CSRNP3: variants seen among roughly 807,000 people sequenced by gnomAD.
The protein encoded by CSRNP3 is cysteine and serine rich nuclear protein 3.
CSRNP3 carries 12 observed loss-of-function variants against 48.0 expected under a neutral mutation model. The observed-to-expected ratio is 0.25, with a 90% CI of 0.16 to 0.41. The LOEUF (loss-of-function observed/expected upper bound fraction) is 0.41, where lower values mean the gene tolerates loss of function less well. CSRNP3 is among the 10% of genes least tolerant of loss of function. The probability of loss-of-function intolerance (pLI) is 1.00; values close to 1 mark genes in which losing one functional copy is unlikely to be tolerated. For synonymous variants in CSRNP3, 263 were observed against 269.7 expected, an observed-to-expected ratio of 0.98 and a Z score of 0.24; for missense variants, 580 against 724.4, an observed-to-expected ratio of 0.80 and a Z score of 2.29.
At chr2:165,577,008 A>G (rs1051784635) in intron 3 of CSRNP3, among the ~76,000 whole-genome samples, 1 of 151,968 alleles carries the variant, frequency 6.6e-6, no homozygotes, top group African/African-American at 2.4e-5. Context: ...CAGGGCAAAC[A>G]TGTTCTACTC....
intron 3 of CSRNP3, among the ~76,000 whole-genome samples, chr2:165,567,802 G>C (rs11885110): frequency 2.0e-5 from 3 of 151,652 alleles, no homozygotes; most frequent in Non-Finnish European, 2.9e-5. Context: ...TGTCCACTGC[G>C]TACTTTATTT....
At position 165,652,638 on chromosome 2, in the gene CSRNP3, G is replaced by T. The variant is rs559975014; in HGVS notation, c.149-5123G>T. 2.6e-5 allele frequency among the ~76,000 whole-genome samples: 4 copies of T among 152,060 alleles called. No individual in the cohort carries two copies. In the East Asian group the frequency reaches 7.7e-4, roughly 29 times the overall value. On this transcript the variant is annotated intron_variant, in intron 4 of 6. Transcript: ENST00000651982. The stretch of plus-strand genomic sequence containing the variant: ...GCTCCCCACAACCTCTGCCTCCTGG[G>T]CTCAAGTGATGATTGTGCCTCAGCC...
chr2:165,508,787 T>C (rs1203394940), intron 2 of CSRNP3, among the ~76,000 whole-genome samples: 1 of 152,200 alleles, frequency 6.6e-6, no homozygotes, highest in African/African-American at 2.4e-5. Flanking sequence ...TTAGTAACTT[T>C]TATTTGTTTA....
chr2:165,601,087 T>TA (rs1281113315), intron 4 of CSRNP3, among the ~76,000 whole-genome samples: 1 of 152,224 alleles, frequency 6.6e-6, no homozygotes, highest in Non-Finnish European at 1.5e-5. Context: ...CAAGCATACT[T>TA]ACCAGTCATC....
At chr2:165,526,025 A>G (rs1684728484) in intron 3 of CSRNP3, among the ~76,000 whole-genome samples, 1 of 152,096 alleles carries the variant, frequency 6.6e-6, no homozygotes, top group South Asian at 2.1e-4. Flanking sequence ...TTGACTTTGC[A>G]TTTTTGTCAG....
At chr2:165,477,779 C>G (rs534882985) in intron 1 of CSRNP3, among the ~76,000 whole-genome samples, 15 of 152,062 alleles carry the variant, frequency 9.9e-5, no homozygotes, top group Admixed American at 8.5e-4. Flanking sequence ...GAATTTGACA[C>G]TAGCCTGGCC....
chr2:165,578,148 A>T (rs1685483125), intron 3 of CSRNP3, among the ~76,000 whole-genome samples: 1 of 152,052 alleles, frequency 6.6e-6, no homozygotes, highest in African/African-American at 2.4e-5. Flanking sequence ...CATTTGACTA[A>T]TCATTGGTGC....
At chr2:165,493,581 C>T (rs1684248828) in intron 1 of CSRNP3, among the ~76,000 whole-genome samples, 1 of 152,000 alleles carries the variant, frequency 6.6e-6, no homozygotes, top group Non-Finnish European at 1.5e-5. Flanking sequence ...AAGAAAAATG[C>T]AGAATCTGAA....
chr2:165,630,213 G>A (rs936566955), intron 4 of CSRNP3, among the ~76,000 whole-genome samples: 10 of 152,060 alleles, frequency 6.6e-5, no homozygotes, highest in African/African-American at 2.4e-4. Context: ...AAATTCTGGC[G>A]TTCTTAGGAA....
chr2:165,474,602 G>C (rs564906682), intron 1 of CSRNP3, among the ~76,000 whole-genome samples: 111 of 152,296 alleles, frequency 7.3e-4, no homozygotes, highest in African/African-American at 2.6e-3. Context: ...GCGCAGAGAG[G>C]ACAATGATCA....
At chr2:165,677,099 G>A (rs970884017) in intron 6 of CSRNP3, among the ~76,000 whole-genome samples, 7 of 152,164 alleles carry the variant, frequency 4.6e-5, no homozygotes, top group Non-Finnish European at 8.8e-5. Context: ...TATGAAATTG[G>A]CAAGTCAGGC....
chr2:165,486,237 C>A (rs963467775), intron 1 of CSRNP3, among the ~76,000 whole-genome samples: 1 of 152,136 alleles, frequency 6.6e-6, no homozygotes, highest in Non-Finnish European at 1.5e-5. Flanking sequence ...CTTTTCAGAC[C>A]GGCTTAAAAA....
chr2:165,563,739 C>T (rs1031344652), intron 3 of CSRNP3, among the ~76,000 whole-genome samples: 1 of 152,050 alleles, frequency 6.6e-6, no homozygotes. Flanking sequence ...AGTATTAAGA[C>T]ACTAATATTT....
intron 5 of CSRNP3, among the ~76,000 whole-genome samples, chr2:165,660,049 T>C (rs192373254): frequency 1.3e-5 from 2 of 152,170 alleles, no homozygotes; most frequent in Non-Finnish European, 2.9e-5. Flanking sequence ...ATTGTTGTTG[T>C]TTTTTATGCT....
chr2:165,578,062 A>C (rs1685482143), intron 3 of CSRNP3, among the ~76,000 whole-genome samples: 2 of 152,076 alleles, frequency 1.3e-5, no homozygotes, highest in African/African-American at 4.8e-5. Flanking sequence ...ATTTGAACTT[A>C]CTTTATATCA....
intron 5 of CSRNP3, among the ~76,000 whole-genome samples, chr2:165,661,754 T>C (rs1687101025): frequency 6.6e-6 from 1 of 152,024 alleles, no homozygotes; most frequent in African/African-American, 2.4e-5. Context: ...TTGGCCTGAG[T>C]TGGTCCTTTG....
chr2:165,477,483 A>ATAT (rs1558911043), intron 1 of CSRNP3, among the ~76,000 whole-genome samples: 1 of 129,674 alleles, frequency 7.7e-6, no homozygotes, highest in Non-Finnish European at 1.7e-5. Flanking sequence ...ATATATATGA[A>ATAT]ATATATATAT....
At position 165,571,525 on chromosome 2, in the gene CSRNP3, T is replaced by C. The variant is rs528619619; in HGVS notation, c.-23-23518T>C. Among the ~76,000 whole-genome samples, 5 of 152,048 alleles carry C rather than the reference T, an allele frequency of 3.3e-5. No homozygotes were observed. In the East Asian group the frequency reaches 9.6e-4, roughly 29 times the overall value. ...TATTTGTATATATATTAATGTAATA[T>C]TTGTGTGGTGGAAAATTCCTGTAAA... On this transcript the variant is annotated intron_variant, in intron 3 of 6. Coordinates refer to ENST00000651982, the MANE Select transcript of CSRNP3 (RefSeq NM_001172173.2).
At chr2:165,651,131 C>T (rs1686895341) in intron 4 of CSRNP3, among the ~76,000 whole-genome samples, 1 of 152,162 alleles carries the variant, frequency 6.6e-6, no homozygotes, top group South Asian at 2.1e-4. Context: ...ACCTGGTCTT[C>T]AATTTTACAG....
Sources: gnomAD v4.1 joint callset for allele counts (sites outside exome capture counted in the v4.1 genomes callset) on GRCh38, gnomAD v4.1.1 for gene constraint, MANE v1.5 for transcripts, NCBI Gene and HGNC (gene_info 2026-07-23, HGNC 2026-07-21) for gene names.